Variants in CBFA2T2 observed in about 807,000 individuals in gnomAD.
CBFA2T2 encodes CBFA2/RUNX1 partner transcriptional co-repressor 2.
In CBFA2T2, 11 loss-of-function variants were observed where a neutral mutation model predicts 62.2. The observed-to-expected ratio is 0.18, with a 90% CI of 0.11 to 0.29. The LOEUF is 0.29. CBFA2T2 is among the 10% of genes least tolerant of loss of function. The pLI is 1.00. For synonymous variants in CBFA2T2, 295 were observed against 287.5 expected (o/e 1.03, Z -0.27); for missense variants, 592 against 774.1 (o/e 0.76, Z 2.79).
intron 3 of CBFA2T2, among the ~76,000 whole-genome samples, chr20:33,614,634 C>G (rs1489531015): frequency 6.6e-6 from 1 of 152,158 alleles, no homozygotes; most frequent in Non-Finnish European, 1.5e-5. Context: ...ACTCTAGGTA[C>G]CTCATACAAG....
At chr20:33,512,050 G>C (rs761538096) in intron 1 of CBFA2T2, among the ~76,000 whole-genome samples, 5 of 152,192 alleles carry the variant, frequency 3.3e-5, no homozygotes, top group Non-Finnish European at 7.3e-5. Flanking sequence ...GGTGGCATGC[G>C]CCTGTAGGCC....
intron 1 of CBFA2T2, among the ~76,000 whole-genome samples, chr20:33,535,421 C>A (rs1042803341): frequency 6.7e-6 from 1 of 149,604 alleles, no homozygotes; most frequent in South Asian, 2.1e-4. Context: ...TAAGACAGGT[C>A]CCCATGGTCC....
At chr20:33,579,106 T>G (rs542509288) in intron 1 of CBFA2T2, among the ~76,000 whole-genome samples, 194 of 142,882 alleles carry the variant, frequency 1.4e-3, no homozygotes, top group African/African-American at 4.6e-3. Context: ...TTTTTGGGGG[T>G]TTTTTTTTGT....
At chr20:33,624,097 C>T (rs1379740129) in intron 5 of CBFA2T2, 5 of 519,250 alleles carry the variant, frequency 9.6e-6, no homozygotes, top group Non-Finnish European at 1.7e-5. Flanking sequence ...TTGCCAATGA[C>T]TCACCTTTAC....
intron 4 of CBFA2T2, among the ~76,000 whole-genome samples, chr20:33,622,293 AG>A (rs560093878): frequency 2.0e-4 from 30 of 152,358 alleles, no homozygotes; most frequent in Admixed American, 1.8e-3. Context: ...ATTAACCCTC[AG>A]TGAAGGGATG....
chr20:33,631,989 G>A (rs1191298865), intron 8 of CBFA2T2, among the ~76,000 whole-genome samples: 2 of 152,116 alleles, frequency 1.3e-5, no homozygotes, highest in African/African-American at 2.4e-5. Context: ...GCTTGGGCAC[G>A]GTTGGCTTCA....
rs2017192401 is a variant in CBFA2T2 at position 33,649,938 on chromosome 20, A to ACTT, written c.*5293_*5295dup. On this transcript the variant is annotated 3_prime_UTR_variant, in exon 11 of 11. Transcript: ENST00000342704. The stretch of plus-strand genomic sequence containing the variant: ...TTTTTGTTACCTAACTCTGTGCATA[A>ACTT]CTTATTTAATGTACTGTATAAATGA... 1.3e-5 allele frequency: 2 copies of ACTT among 152,624 alleles called. No individual in the cohort carries two copies. Among genetic ancestry groups the ACTT allele is most frequent in the African/African-American group, 4.8e-5 (2 of 41,444 alleles). The allele number at this position is 152,624 out of a possible 1,614,324, so 9.5% of individuals were successfully genotyped here.
At chr20:33,559,411 C>T (rs991512013) in intron 1 of CBFA2T2, among the ~76,000 whole-genome samples, 1 of 151,852 alleles carries the variant, frequency 6.6e-6, no homozygotes, top group Non-Finnish European at 1.5e-5. Flanking sequence ...TGACCTGAGG[C>T]GATCTGCCCA....
At chr20:33,533,095 A>G (rs1264607731) in intron 1 of CBFA2T2, among the ~76,000 whole-genome samples, 1 of 151,984 alleles carries the variant, frequency 6.6e-6, no homozygotes, top group Admixed American at 6.5e-5. Context: ...CCCCTTACAT[A>G]TACTTTTGTT....
At chr20:33,562,361 G>T in intron 1 of CBFA2T2, 1 of 985,610 alleles carries the variant, frequency 1.0e-6, no homozygotes, top group Non-Finnish European at 1.2e-6. Context: ...AGAGGAAGCA[G>T]GAGGGAGGGA....
rs1372217204 is a variant in CBFA2T2, at chr20:33,571,831, A to G, written c.35-35125A>G. 2.0e-5 allele frequency among the ~76,000 whole-genome samples: 3 copies of G among 152,182 alleles called. No homozygotes were observed. In the East Asian group the frequency reaches 5.8e-4, roughly 29 times the overall value. Reference sequence around the variant, plus strand: ...ATGTGGTTAGAGTGTAAAGGTTGACAGTTATTTTCCATTAGCACTTGGGAG... The same window carrying G: ...ATGTGGTTAGAGTGTAAAGGTTGACGGTTATTTTCCATTAGCACTTGGGAG... On this transcript the variant is annotated intron_variant, in intron 1 of 10. Coordinates refer to ENST00000342704, the MANE Select transcript of CBFA2T2 (RefSeq NM_001032999.3).
At chr20:33,573,427 G>A (rs2013660398) in intron 1 of CBFA2T2, among the ~76,000 whole-genome samples, 1 of 152,034 alleles carries the variant, frequency 6.6e-6, no homozygotes, top group Non-Finnish European at 1.5e-5. Context: ...TAAGTGTTCA[G>A]TACTGTATGT....
intron 1 of CBFA2T2, among the ~76,000 whole-genome samples, chr20:33,547,848 T>G (rs1016785124): frequency 6.6e-5 from 10 of 152,186 alleles, no homozygotes; most frequent in African/African-American, 2.4e-4. Flanking sequence ...AAAACCTCTC[T>G]GTGAAGTGAA....
At chr20:33,496,520 A>G (rs1029889397) in intron 1 of CBFA2T2, among the ~76,000 whole-genome samples, 2 of 152,210 alleles carry the variant, frequency 1.3e-5, no homozygotes, top group Non-Finnish European at 2.9e-5. Flanking sequence ...TAGGAAGTTC[A>G]TTAGTGTCGA....
At chr20:33,513,816 GAAAAA>G (rs11481160) in intron 1 of CBFA2T2, among the ~76,000 whole-genome samples, 3 of 111,484 alleles carry the variant, frequency 2.7e-5, no homozygotes, top group African/African-American at 1.0e-4. Flanking sequence ...TCTGTCCCAG[GAAAAA>G]AAAAAAAAAA....
At chr20:33,534,173 A>T (rs550610999) in intron 1 of CBFA2T2, among the ~76,000 whole-genome samples, 25 of 152,306 alleles carry the variant, frequency 1.6e-4, no homozygotes, top group East Asian at 7.7e-4. Flanking sequence ...GTGTGGTTGC[A>T]TCATATGTTT....
At chr20:33,606,417 T>C (rs1466422666) in intron 1 of CBFA2T2, among the ~76,000 whole-genome samples, 2 of 152,192 alleles carry the variant, frequency 1.3e-5, no homozygotes, top group African/African-American at 4.8e-5. Flanking sequence ...CTTAAGACAA[T>C]AGAAATTCAT....
chr20:33,572,803 C>G (rs1047696509), intron 1 of CBFA2T2, among the ~76,000 whole-genome samples: 1 of 152,214 alleles, frequency 6.6e-6, no homozygotes, highest in Non-Finnish European at 1.5e-5. Context: ...GATGGGTAAC[C>G]ATTGAATAGT....
intron 1 of CBFA2T2, among the ~76,000 whole-genome samples, chr20:33,588,639 T>C (rs1223844848): frequency 6.6e-6 from 1 of 152,110 alleles, no homozygotes; most frequent in Non-Finnish European, 1.5e-5. Flanking sequence ...ATGGCAAGGA[T>C]AGTTCAACAT....
Sources: allele counts gnomAD v4.1 joint callset (sites outside exome capture counted in the v4.1 genomes callset), GRCh38; gene constraint gnomAD v4.1.1; transcripts MANE v1.5; gene names NCBI Gene and HGNC (gene_info 2026-07-23, HGNC 2026-07-21).